ARHGAP28: variants seen among roughly 807,000 people sequenced by gnomAD.
The protein encoded by ARHGAP28 is rho GTPase-activating protein 28.
ARHGAP28 carries 56 observed loss-of-function variants against 90.7 expected under a neutral mutation model. That is an observed-to-expected ratio of 0.62 (90% CI 0.50 to 0.77). The LOEUF is 0.77. Ranked by LOEUF, ARHGAP28 falls within the 30% of genes least tolerant of loss-of-function variation. The pLI is 0.00. For synonymous variants in ARHGAP28, 308 were observed against 323.3 expected, an observed-to-expected ratio of 0.95 and a Z score of 0.51; for missense variants, 869 against 900.9, an observed-to-expected ratio of 0.96 and a Z score of 0.45.
At chr18:6,780,531 C>A (rs1455870025) in intron 1 of ARHGAP28, among the ~76,000 whole-genome samples, 1 of 151,938 alleles carries the variant, frequency 6.6e-6, no homozygotes, top group African/African-American at 2.4e-5. Flanking sequence ...GGTATGGAAC[C>A]AATCCCCCTC....
intron 1 of ARHGAP28, among the ~76,000 whole-genome samples, chr18:6,793,482 T>C (rs1418445858): frequency 6.6e-6 from 1 of 152,032 alleles, no homozygotes; most frequent in African/African-American, 2.4e-5. Flanking sequence ...AGAGATAGGG[T>C]GGAAGAAGAG....
chr18:6,802,334 T>C (rs1600197889), intron 1 of ARHGAP28, among the ~76,000 whole-genome samples: 1 of 142,564 alleles, frequency 7.0e-6, no homozygotes, highest in East Asian at 2.0e-4. Context: ...ATATGGTAGT[T>C]CTTTTTTTTT....
At chr18:6,868,067 T>TGCA (rs2057051696) in intron 5 of ARHGAP28, 83 bp from the exon 6 acceptor site, 2 of 1,142,622 alleles carry the variant, frequency 1.8e-6, no homozygotes, top group South Asian at 2.6e-5. Flanking sequence ...TCTTGTATAC[T>TGCA]GCAGAACATA....
chr18:6,843,797 G>A (rs72876543), intron 3 of ARHGAP28, among the ~76,000 whole-genome samples: 6,759 of 152,194 alleles, frequency 0.044, 361 homozygotes, highest in African/African-American at 0.13. Flanking sequence ...GGACAGGCAA[G>A]GTGAAGAATG....
intron 16 of ARHGAP28, 62 bp from the exon 17 acceptor site, chr18:6,908,898 T>C (rs777262372): frequency 2.5e-5 from 24 of 963,854 alleles, no homozygotes; most frequent in Non-Finnish European, 3.9e-5. Flanking sequence ...TTATTTAACA[T>C]GCATTTTTAC....
At chr18:6,894,685 G>T (rs374626534) in intron 14 of ARHGAP28, 150 bp from the exon 15 acceptor site, 21 of 633,208 alleles carry the variant, frequency 3.3e-5, no homozygotes, top group African/African-American at 2.4e-4. Context: ...ATGCATAGAT[G>T]TGGAGCTGTT....
intron 1 of ARHGAP28, among the ~76,000 whole-genome samples, chr18:6,751,242 A>G (rs546132045): frequency 6.6e-6 from 1 of 152,304 alleles, no homozygotes; most frequent in Non-Finnish European, 1.5e-5. Context: ...TGATACACCA[A>G]AGAAACACAG....
rs1340181729 is a variant in ARHGAP28 at position 6,837,241 on chromosome 18, A to G, written c.370A>G (p.Thr124Ala). ...ATGGCTGCAAGATGTGGGTTTATCAACTCTGATCTCAGGTGATGAAGAGGA... is the reference window on the plus strand; with the variant it reads ...ATGGCTGCAAGATGTGGGTTTATCAGCTCTGATCTCAGGTGATGAAGAGGA... Reference protein sequence around the residue: ...AEWLQDVGLSTLISGDEEEDG... With the variant: ...AEWLQDVGLSALISGDEEEDG... Residue 124 changes from threonine (T) to alanine (A), a missense_variant, in exon 3 of 18, where the codon ACT (threonine) becomes GCT (alanine). Coordinates refer to ENST00000383472, the MANE Select transcript of ARHGAP28 (RefSeq NM_001366230.1). 1.3e-6 allele frequency: 2 copies of G among 1,583,998 alleles called. No homozygotes were observed. The highest frequency in any genetic ancestry group is 1.4e-5 in the African/African-American group (1 of 73,678).
At chr18:6,841,209 CT>C (rs1567966899) in intron 3 of ARHGAP28, among the ~76,000 whole-genome samples, 2 of 17,612 alleles carry the variant, frequency 1.1e-4, no homozygotes, top group East Asian at 2.0e-3. Flanking sequence ...CTCTCCTCTC[CT>C]CTCTCTCTCT....
At chr18:6,755,273 A>T (rs1380955013) in intron 1 of ARHGAP28, among the ~76,000 whole-genome samples, 1 of 152,216 alleles carries the variant, frequency 6.6e-6, no homozygotes, top group Non-Finnish European at 1.5e-5. Context: ...AATATGGGAA[A>T]CATAACGTGA....
chr18:6,887,214 C>A lies in ARHGAP28; in HGVS notation c.1511C>A (p.Pro504His). The A allele has an allele frequency of 6.2e-7, 1 of 1,614,168 alleles. No homozygotes were observed. Among genetic ancestry groups the A allele is most frequent in the Non-Finnish European group, 8.5e-7 (1 of 1,180,034 alleles). Reference protein sequence around the residue: ...QALHLMVMALPDANRDAAQAL... With the variant: ...QALHLMVMALHDANRDAAQAL... ...TTACACCTCATGGTCATGGCGCTGC[C>A]TGATGCCAACAGAGATGCAGCTCAG... The change falls in exon 12 of 18, where the codon CCT (proline) becomes CAT (histidine). Residue 504 changes from proline (P) to histidine (H), a missense_variant. By Grantham distance (77) the Pro-to-His change is moderately conservative. Coordinates refer to ENST00000383472, the MANE Select transcript of ARHGAP28 (RefSeq NM_001366230.1).
At chr18:6,908,261 C>A (rs1428497848) in intron 16 of ARHGAP28, among the ~76,000 whole-genome samples, 1 of 152,096 alleles carries the variant, frequency 6.6e-6, no homozygotes, top group South Asian at 2.1e-4. Flanking sequence ...CCTCGGCCTC[C>A]TGGGTAGCTG....
intron 1 of ARHGAP28, among the ~76,000 whole-genome samples, chr18:6,769,828 G>A (rs994369402): frequency 6.6e-6 from 1 of 152,168 alleles, no homozygotes; most frequent in Non-Finnish European, 1.5e-5. Flanking sequence ...TGTCTTCACG[G>A]CATTTATCAG....
At chr18:6,888,891 A>G (rs1362185817) in intron 12 of ARHGAP28, among the ~76,000 whole-genome samples, 1 of 152,060 alleles carries the variant, frequency 6.6e-6, no homozygotes. Flanking sequence ...GAGGTCAAGA[A>G]CTCTAGCTGA....
intron 1 of ARHGAP28, among the ~76,000 whole-genome samples, chr18:6,812,282 C>G (rs980395856): frequency 6.6e-6 from 1 of 152,142 alleles, no homozygotes; most frequent in Non-Finnish European, 1.5e-5. Context: ...TATCACTTGG[C>G]TAGCCATCAA....
intron 1 of ARHGAP28, among the ~76,000 whole-genome samples, chr18:6,796,645 C>T (rs2056444146): frequency 6.6e-6 from 1 of 151,942 alleles, no homozygotes; most frequent in African/African-American, 2.4e-5. Flanking sequence ...GTAGGTTCAG[C>T]TTTGTTGTTA....
intron 2 of ARHGAP28, among the ~76,000 whole-genome samples, chr18:6,828,268 G>A (rs2056689480): frequency 6.6e-6 from 1 of 152,180 alleles, no homozygotes; most frequent in Admixed American, 6.5e-5. Context: ...GGAGAATCAG[G>A]CAGGGAGGTT....
chr18:6,805,739 G>C (rs1402327344), intron 1 of ARHGAP28, among the ~76,000 whole-genome samples: 2 of 151,854 alleles, frequency 1.3e-5, no homozygotes, highest in African/African-American at 4.8e-5. Flanking sequence ...ACCCACCTCA[G>C]CCTCCTAAGT....
intron 1 of ARHGAP28, among the ~76,000 whole-genome samples, chr18:6,794,224 G>A (rs2056425884): frequency 6.6e-6 from 1 of 152,128 alleles, no homozygotes; most frequent in South Asian, 2.1e-4. Context: ...CACAAATTAA[G>A]TTTCATAACA....
Sources: allele counts gnomAD v4.1 joint callset (sites outside exome capture counted in the v4.1 genomes callset), GRCh38; gene constraint gnomAD v4.1.1; transcripts MANE v1.5; gene names NCBI Gene and HGNC (gene_info 2026-07-23, HGNC 2026-07-21).